Variants in CTNND1 observed in about 807,000 individuals in gnomAD.
CTNND1 encodes catenin delta 1.
CTNND1 carries 16 observed loss-of-function variants against 112.1 expected under a neutral mutation model. The observed-to-expected ratio is 0.14, with a 90% confidence interval of 0.10 to 0.22. CTNND1 has a LOEUF of 0.22. Ranked by LOEUF, CTNND1 falls within the 10% of genes least tolerant of loss-of-function variation. CTNND1 has a pLI of 1.00. For missense variants in CTNND1, 1,008 were observed against 1,257.0 expected (o/e 0.80, Z 3.00); for synonymous variants, 420 against 446.5 (o/e 0.94, Z 0.75).
At chr11:57,800,434 A>AT in intron 6 of CTNND1, among the ~76,000 whole-genome samples, 1 of 151,850 alleles carries the variant, frequency 6.6e-6, no homozygotes, top group South Asian at 2.1e-4. Context: ...TGCCCAGCTA[A>AT]TTTTTGTATT....
At chr11:57,805,802 C>A in intron 9 of CTNND1, 80 bp from the exon 10 acceptor site, 2 of 1,480,232 alleles carry the variant, frequency 1.4e-6, no homozygotes, top group South Asian at 1.3e-5. Flanking sequence ...CATTTTAATA[C>A]CTGAGTCATG....
At chr11:57,812,666 C>T (rs1591686462) in intron 17 of CTNND1, among the ~76,000 whole-genome samples, 1 of 152,074 alleles carries the variant, frequency 6.6e-6, no homozygotes, top group Admixed American at 6.6e-5. Context: ...ACTAGTTAGA[C>T]TAGCCACTTT....
At chr11:57,785,759 G>T (rs1301777574) in intron 1 of CTNND1, among the ~76,000 whole-genome samples, 1 of 151,922 alleles carries the variant, frequency 6.6e-6, no homozygotes, top group East Asian at 1.9e-4. Context: ...ATGTTGGTCA[G>T]GCCGGTCTCA....
intron 1 of CTNND1, among the ~76,000 whole-genome samples, chr11:57,777,364 G>C (rs147870980): frequency 6.6e-6 from 1 of 152,078 alleles, no homozygotes; most frequent in Non-Finnish European, 1.5e-5. Context: ...TGCCTCCCGG[G>C]CTCAAGTGAT....
rs2135774782 is a variant in CTNND1 at position 57,762,117 on chromosome 11, A to C, written c.-216A>C. ...GATAAGCAAGTCGAATTTTTGTCTT[A>C]CGGTAACCGGAGGGAATTAAAAAAC... On this transcript the variant is annotated splice_region_variant and 5_prime_UTR_variant, in exon 1 of 21. Coordinates refer to ENST00000399050, the MANE Select transcript of CTNND1 (RefSeq NM_001085458.2). 1 of 985,150 alleles carries C rather than the reference A, an allele frequency of 1.0e-6. No individual in the cohort carries two copies. Among genetic ancestry groups the C allele is most frequent in the South Asian group, 4.7e-5 (1 of 21,286 alleles). 61.0% of individuals were successfully genotyped at this position (985,150 alleles called of 1,614,324 possible). A position where few individuals can be genotyped will look rare whatever the true frequency, so the allele number is the denominator to read the frequency against.
chr11:57,784,429 T>G (rs2059924500), intron 1 of CTNND1, among the ~76,000 whole-genome samples: 1 of 146,458 alleles, frequency 6.8e-6, no homozygotes, highest in Non-Finnish European at 1.5e-5. Flanking sequence ...AAAAAAAAAT[T>G]CCCTAGAACG....
chr11:57,808,453 C>T lies in CTNND1; in HGVS notation c.2155C>T (p.Leu719=). Residue 719 remains leucine, a synonymous_variant, in exon 14 of 21, where the codon CTG becomes TTG. Coordinates refer to ENST00000399050, the MANE Select transcript of CTNND1 (RefSeq NM_001085458.2). ...EKALSAIADL[L]TNEHERVVKA... is the part of the protein sequence containing the mutation. The stretch of plus-strand genomic sequence containing the variant: ...GGCTCTTTCTGCCATAGCTGACCTC[C>T]TGACTAATGAACATGAACGGGTGGT... The T allele has an allele frequency of 6.2e-7, 1 of 1,613,438 alleles. No homozygotes were observed. The highest frequency in any genetic ancestry group is 8.5e-7 in the Non-Finnish European group (1 of 1,179,590).
chr11:57,786,610 CT>C (rs1366075948), intron 1 of CTNND1, among the ~76,000 whole-genome samples: 4 of 152,154 alleles, frequency 2.6e-5, no homozygotes, highest in African/African-American at 9.7e-5. Flanking sequence ...CGACTCCTGA[CT>C]GTCTGCCAAA....
chr11:57,792,676 G>T (rs1449547724), intron 3 of CTNND1, among the ~76,000 whole-genome samples: 1 of 152,096 alleles, frequency 6.6e-6, no homozygotes, highest in Non-Finnish European at 1.5e-5. Context: ...GACTACAGGC[G>T]TGTGCCACCA....
At chr11:57,771,839 A>T (rs1022636189) in intron 1 of CTNND1, among the ~76,000 whole-genome samples, 2 of 152,194 alleles carry the variant, frequency 1.3e-5, no homozygotes, top group Non-Finnish European at 2.9e-5. Flanking sequence ...CAGATTTTGC[A>T]TAGGTTGATT....
At chr11:57,807,605 C>CAAAAA (rs71470294) in intron 12 of CTNND1, among the ~76,000 whole-genome samples, 17 of 29,186 alleles carry the variant, frequency 5.8e-4, no homozygotes, top group East Asian at 3.3e-3. Flanking sequence ...AACTCCGTCT[C>CAAAAA]AAAAAAAAAA....
At chr11:57,794,614 C>T (rs559772469) in intron 4 of CTNND1, among the ~76,000 whole-genome samples, 15 of 151,294 alleles carry the variant, frequency 9.9e-5, no homozygotes, top group Admixed American at 4.6e-4. Flanking sequence ...GGAGAAACCC[C>T]GTCTCTACTG....
At chr11:57,810,346 G>A (rs1022824152) in intron 16 of CTNND1, 123 bp downstream of exon 16, 10 of 624,436 alleles carry the variant, frequency 1.6e-5, no homozygotes, top group South Asian at 1.1e-4. Flanking sequence ...TTTCTTTTTC[G>A]GAGACAGAGT....
chr11:57,774,690 GGTTT>G (rs1156431378), intron 1 of CTNND1, among the ~76,000 whole-genome samples: 1 of 125,118 alleles, frequency 8.0e-6, no homozygotes, highest in Admixed American at 9.7e-5. Context: ...AGTCTATGAG[GGTTT>G]ATTTATTTAT....
chr11:57,766,824 C>G (rs561390145), intron 1 of CTNND1, among the ~76,000 whole-genome samples: 1 of 152,096 alleles, frequency 6.6e-6, no homozygotes, highest in Non-Finnish European at 1.5e-5. Flanking sequence ...GAGAATGGGG[C>G]CTGAATTTAC....
intron 17 of CTNND1, chr11:57,814,044 A>G (rs1451709917): frequency 2.9e-6 from 1 of 348,000 alleles, no homozygotes; most frequent in Non-Finnish European, 5.3e-6. Context: ...GCCAGGTGTG[A>G]TGGCTCACAC....
chr11:57,774,485 TGCCATTCCA>T (rs1257766549), intron 1 of CTNND1, among the ~76,000 whole-genome samples: 1 of 152,196 alleles, frequency 6.6e-6, no homozygotes, highest in African/African-American at 2.4e-5. Context: ...GTTAGGACTG[TGCCATTCCA>T]GCCATCCTTA....
chr11:57,793,926 C>G, intron 3 of CTNND1, 84 bp from the exon 4 acceptor site: 1 of 1,380,802 alleles, frequency 7.2e-7, no homozygotes, highest in Non-Finnish European at 1.0e-6. Context: ...AAGCCCTTTT[C>G]CTGTTTGAAA....
rs1949952488 is a variant in CTNND1, at chr11:57,761,947, C to T, written c.-386C>T. The T allele has an allele frequency of 2.0e-6, 2 of 985,264 alleles. No individual in the cohort carries two copies. The highest frequency in any genetic ancestry group is 6.2e-5 in the Admixed American group (1 of 16,250). 61.0% of individuals were successfully genotyped at this position (985,264 alleles called of 1,614,324 possible). A position where few individuals can be genotyped will look rare whatever the true frequency, so the allele number is the denominator to read the frequency against. ...AGATCCCGAAAGGAGGAAGAGGTGG[C>T]GAAAAATCAACTGCCCTGCTGGATT... On this transcript the variant is annotated 5_prime_UTR_variant, in exon 1 of 21. Coordinates refer to ENST00000399050, the MANE Select transcript of CTNND1 (RefSeq NM_001085458.2).
Sources: allele counts gnomAD v4.1 joint callset (sites outside exome capture counted in the v4.1 genomes callset), GRCh38; gene constraint gnomAD v4.1.1; transcripts MANE v1.5; gene names NCBI Gene and HGNC (gene_info 2026-07-23, HGNC 2026-07-21).